Variants in DNA2 observed in about 807,000 individuals in gnomAD.
The protein encoded by DNA2 is DNA replication ATP-dependent helicase/nuclease DNA2.
In DNA2, 101 loss-of-function variants were observed where a neutral mutation model predicts 119.1. The observed-to-expected ratio is 0.85, with a 90% CI of 0.72 to 1.00. DNA2 has a LOEUF of 1.00. DNA2 is among the 50% of genes least tolerant of loss of function. DNA2 has a pLI of 0.00. For missense variants in DNA2, 1,121 were observed against 1,255.5 expected (o/e 0.89, Z 1.62); for synonymous variants, 366 against 424.4 (o/e 0.86, Z 1.69).
At chr10:68,471,420 T>C (rs2052379606) in intron 1 of DNA2, among the ~76,000 whole-genome samples, 1 of 152,184 alleles carries the variant, frequency 6.6e-6, no homozygotes, top group African/African-American at 2.4e-5. Flanking sequence ...ATATACACCA[T>C]GCTGAGGGTG....
chr10:68,432,376 T>C lies in DNA2; in HGVS notation c.1763+18A>G. On this transcript the variant is annotated intron_variant, in intron 11 of 20. Transcript: ENST00000358410. ...TAGAAAAGTGGAGTGAAATTCAAAT[T>C]TGCTCATTGTTACAAACCTGACAAA... 6 of 1,569,334 alleles carry C rather than the reference T, an allele frequency of 3.8e-6. No homozygotes were observed. The highest frequency in any genetic ancestry group is 2.3e-5 in the South Asian group (2 of 87,020).
At chr10:68,423,448 G>A (rs1049403593) in intron 14 of DNA2, among the ~76,000 whole-genome samples, 1 of 152,178 alleles carries the variant, frequency 6.6e-6, no homozygotes, top group Non-Finnish European at 1.5e-5. Flanking sequence ...ACCAGTGGGT[G>A]CTAAAAACAG....
chr10:68,417,003 G>A (rs2051597377), intron 19 of DNA2, 148 bp from the exon 20 acceptor site: 2 of 659,496 alleles, frequency 3.0e-6, no homozygotes, highest in Non-Finnish European at 2.5e-6. Context: ...CAGTACTTTG[G>A]GAGGCCGAGG....
intron 4 of DNA2, among the ~76,000 whole-genome samples, chr10:68,464,829 C>CTA (rs2052306403): frequency 2.5e-5 from 1 of 40,652 alleles, no homozygotes; most frequent in African/African-American, 9.6e-5. Flanking sequence ...AACTCCACCT[C>CTA]AAAAAAAAAA....
chr10:68,443,250 T>C, intron 8 of DNA2, 139 bp from the exon 9 acceptor site: 1 of 740,252 alleles, frequency 1.4e-6, no homozygotes, highest in Non-Finnish European at 2.1e-6. Context: ...TCCTTAAAAG[T>C]CATTTAAACA....
chr10:68,470,834 C>T (rs998916384), intron 1 of DNA2, among the ~76,000 whole-genome samples: 3 of 152,134 alleles, frequency 2.0e-5, no homozygotes, highest in African/African-American at 7.2e-5. Flanking sequence ...TTTAGTCCAA[C>T]CTGCTAAAGT....
intron 17 of DNA2, 68 bp from the exon 18 acceptor site, chr10:68,419,960 C>T (rs962657477): frequency 7.1e-6 from 9 of 1,272,156 alleles, no homozygotes; most frequent in Non-Finnish European, 1.0e-5. Context: ...ACGCAACTGG[C>T]CATAAAGACT....
At chr10:68,466,990 C>A (rs2052334491) in intron 3 of DNA2, among the ~76,000 whole-genome samples, 1 of 152,190 alleles carries the variant, frequency 6.6e-6, no homozygotes. Flanking sequence ...CAGTGACACA[C>A]TGCACTCCAG....
chr10:68,464,617 T>C (rs2052302805), intron 4 of DNA2, among the ~76,000 whole-genome samples: 1 of 151,178 alleles, frequency 6.6e-6, no homozygotes, highest in Non-Finnish European at 1.5e-5. Flanking sequence ...GCGGATCACC[T>C]AGGTCAGGAG....
Position 68,422,617 on chromosome 10 carries a change from C to CA in DNA2, c.2403-14dup, listed in dbSNP as rs2051680135. Reference sequence around the variant, plus strand: ...CATGCCAAGAGCTCTGTCAATAAATCAGATTCATGTTTATCAGTGTACTAA... The same window carrying CA: ...CATGCCAAGAGCTCTGTCAATAAATCAAGATTCATGTTTATCAGTGTACTAA... On this transcript the variant is annotated splice_polypyrimidine_tract_variant and intron_variant, in intron 15 of 20. Transcript: ENST00000358410. 1 of 1,613,688 alleles carries CA rather than the reference C, an allele frequency of 6.2e-7. No individual in the cohort carries two copies. Among genetic ancestry groups the CA allele is most frequent in the African/African-American group, 1.3e-5 (1 of 74,920 alleles).
intron 18 of DNA2, 148 bp downstream of exon 18, chr10:68,419,655 T>C (rs905718794): frequency 1.3e-5 from 8 of 611,692 alleles, no homozygotes; most frequent in African/African-American, 5.5e-5. Context: ...ATGTCTTAGA[T>C]ACATTTTCTC....
chr10:68,451,998 T>A (rs111903128), intron 5 of DNA2, among the ~76,000 whole-genome samples: 1 of 152,182 alleles, frequency 6.6e-6, no homozygotes, highest in Non-Finnish European at 1.5e-5. Context: ...TCAAATATAA[T>A]CTCATGGAAG....
At chr10:68,449,884 G>T in intron 6 of DNA2, 144 bp downstream of exon 6, 1 of 618,790 alleles carries the variant, frequency 1.6e-6, no homozygotes, top group South Asian at 2.0e-5. Context: ...TTGCACTCCA[G>T]CCTGGCATGA....
chr10:68,420,724 C>A, intron 17 of DNA2, among the ~76,000 whole-genome samples: 1 of 142,488 alleles, frequency 7.0e-6, no homozygotes. Context: ...TTCTGAGACA[C>A]CAGGAGATTG....
chr10:68,451,183 C>G (rs1255404867), intron 5 of DNA2, among the ~76,000 whole-genome samples: 1 of 152,024 alleles, frequency 6.6e-6, no homozygotes, highest in African/African-American at 2.4e-5. Flanking sequence ...TCACACATCC[C>G]CAGGTGACAA....
intron 10 of DNA2, among the ~76,000 whole-genome samples, chr10:68,433,579 G>C (rs1028087753): frequency 1.4e-4 from 21 of 152,026 alleles, no homozygotes; most frequent in Non-Finnish European, 4.4e-5. Flanking sequence ...GCCTAGGCTA[G>C]AGTGCAGTGG....
chr10:68,459,343 A>G (rs2052226504), intron 4 of DNA2, 108 bp from the exon 5 acceptor site: 2 of 1,203,252 alleles, frequency 1.7e-6, no homozygotes, highest in Admixed American at 6.3e-5. Context: ...AGGACAAAAA[A>G]ATACATATAA....
rs186285082 is a variant in DNA2 at position 68,455,650 on chromosome 10, G to A, written c.719+3454C>T. 6.5e-3 allele frequency among the ~76,000 whole-genome samples: 993 copies of A among 151,744 alleles called. 9 individuals carry two copies. The highest frequency in any genetic ancestry group is 0.023 in the African/African-American group (935 of 41,398). The stretch of plus-strand genomic sequence containing the variant: ...AGCCTGGCCAACATGGTGAAACCTC[G>A]CCTCTACTAAAAATACAAAAATTAG... On this transcript the variant is annotated intron_variant, in intron 5 of 20. Coordinates refer to ENST00000358410, the MANE Select transcript of DNA2 (RefSeq NM_001080449.3).
At chr10:68,453,066 A>G (rs1462410955) in intron 5 of DNA2, among the ~76,000 whole-genome samples, 1 of 151,490 alleles carries the variant, frequency 6.6e-6, no homozygotes, top group Non-Finnish European at 1.5e-5. Flanking sequence ...ACGCCTGGCT[A>G]ATTTTTGTAT....
Sources: gnomAD v4.1 joint callset for allele counts (sites outside exome capture counted in the v4.1 genomes callset) on GRCh38, gnomAD v4.1.1 for gene constraint, MANE v1.5 for transcripts, NCBI Gene and HGNC (gene_info 2026-07-23, HGNC 2026-07-21) for gene names.